The following GRIA1 variants were observed in gnomAD, a reference collection of about 807,000 sequenced individuals.
GRIA1 encodes glutamate ionotropic receptor AMPA type subunit 1, also known as glutamate receptor 1.
Under a neutral mutation model 99.2 loss-of-function variants are expected in GRIA1, and 31 were observed. The ratio of observed to expected loss-of-function variants is 0.31; its 90% CI spans 0.23 to 0.42. GRIA1 has a LOEUF of 0.42. GRIA1 is among the 10% of genes least tolerant of loss of function. GRIA1 has a pLI of 1.00. For missense variants in GRIA1, 782 were observed against 1,157.5 expected (o/e 0.68, Z 4.71); for synonymous variants, 438 against 432.4 (o/e 1.01, Z -0.16).
intron 2 of GRIA1, among the ~76,000 whole-genome samples, chr5:153,538,583 C>T (rs995157405): frequency 1.3e-5 from 2 of 152,118 alleles, no homozygotes; most frequent in Admixed American, 6.5e-5. Flanking sequence ...ACAGGACACT[C>T]ACACAGCTAA....
chr5:153,524,850 A>G (rs979390051), intron 2 of GRIA1, among the ~76,000 whole-genome samples: 1 of 152,206 alleles, frequency 6.6e-6, no homozygotes, highest in African/African-American at 2.4e-5. Context: ...AAGATCCTAC[A>G]GGTCTCTGTA....
Position 153,812,656 on chromosome 5 carries a change from G to A in GRIA1, c.*1431G>A, listed in dbSNP as rs1053712049. On this transcript the variant is annotated 3_prime_UTR_variant, in exon 16 of 16. Coordinates refer to ENST00000285900, the MANE Select transcript of GRIA1 (RefSeq NM_000827.4). The stretch of plus-strand genomic sequence containing the variant: ...ATGAGGACGTTGTATTCCAATATAC[G>A]TATGATTGGGGCTACAAAGCTGAAC... 11 of 152,150 alleles carry A rather than the reference G, an allele frequency of 7.2e-5. No homozygotes were observed. The highest frequency in any genetic ancestry group is 1.9e-4 in the East Asian group (1 of 5,186). The allele number at this position is 152,150 out of a possible 1,614,324, so 9.4% of individuals were successfully genotyped here. A position where few individuals can be genotyped will look rare whatever the true frequency, so the allele number is the denominator to read the frequency against.
chr5:153,655,952 A>C, intron 5 of GRIA1, 80 bp downstream of exon 5: 1 of 1,222,482 alleles, frequency 8.2e-7, no homozygotes, highest in Non-Finnish European at 1.2e-6. Context: ...TCCCTGGCTG[A>C]TGTGAACTGA....
chr5:153,584,814 T>G (rs1763330450), intron 2 of GRIA1, among the ~76,000 whole-genome samples: 1 of 152,220 alleles, frequency 6.6e-6, no homozygotes, highest in African/African-American at 2.4e-5. Context: ...CTGTTAGGGC[T>G]GTGGTAACCT....
At chr5:153,750,727 C>T (rs1477049817) in intron 11 of GRIA1, among the ~76,000 whole-genome samples, 1 of 152,118 alleles carries the variant, frequency 6.6e-6, no homozygotes, top group African/African-American at 2.4e-5. Flanking sequence ...ACTTTGCTAC[C>T]TGCTTTATTA....
Position 153,802,571 on chromosome 5 carries a change from G to T in GRIA1, c.2520+81G>T, listed in dbSNP as rs1766123443. On this transcript the variant is annotated intron_variant, in intron 15 of 15. Transcript: ENST00000285900. ...TCCTGGGAGTCCCTTTGCTAGAAAG[G>T]GTGGGGAATGACAGGTGGTTGAGGT... 3.5e-6 allele frequency: 5 copies of T among 1,425,868 alleles called. No individual in the cohort carries two copies. In the Admixed American group the frequency reaches 8.4e-5, roughly 24 times the overall value. The allele number at this position is 1,425,868 out of a possible 1,614,324, so 88.3% of individuals were successfully genotyped here.
At chr5:153,628,905 C>T (rs1008282848) in intron 2 of GRIA1, among the ~76,000 whole-genome samples, 1 of 152,190 alleles carries the variant, frequency 6.6e-6, no homozygotes, top group Non-Finnish European at 1.5e-5. Context: ...AGAATTCTGT[C>T]GTGTCTACAG....
chr5:153,491,047 C>G lies in GRIA1; in HGVS notation c.82+77C>G, dbSNP rs1302980809. On this transcript the variant is annotated intron_variant, in intron 1 of 15. Coordinates refer to ENST00000285900, the MANE Select transcript of GRIA1 (RefSeq NM_000827.4). Reference sequence around the variant, plus strand: ...TTTTTGGGGATAGGGGTTGTGTACCCCCTCCCCGGTACTGACTGTTTTGCT... The same window carrying G: ...TTTTTGGGGATAGGGGTTGTGTACCGCCTCCCCGGTACTGACTGTTTTGCT... The G allele has an allele frequency of 8.2e-6, 11 of 1,335,982 alleles. No homozygotes were observed. In the East Asian group the frequency reaches 1.8e-4, roughly 22 times the overall value. The allele number at this position is 1,335,982 out of a possible 1,614,324, so 82.8% of individuals were successfully genotyped here. A position where few individuals can be genotyped will look rare whatever the true frequency, so the allele number is the denominator to read the frequency against.
At chr5:153,768,730 G>A (rs1358302823) in intron 12 of GRIA1, among the ~76,000 whole-genome samples, 2 of 152,060 alleles carry the variant, frequency 1.3e-5, no homozygotes, top group African/African-American at 4.8e-5. Context: ...GTGATATGCT[G>A]CATGTATAAT....
intron 9 of GRIA1, 98 bp from the exon 10 acceptor site, chr5:153,698,769 A>T (rs1485593178): frequency 2.6e-6 from 2 of 767,758 alleles, no homozygotes; most frequent in African/African-American, 3.4e-5. Context: ...AGCCTTCCCC[A>T]GTGTTAACCA....
intron 2 of GRIA1, among the ~76,000 whole-genome samples, chr5:153,597,385 A>T (rs901659292): frequency 6.6e-6 from 1 of 152,176 alleles, no homozygotes; most frequent in Non-Finnish European, 1.5e-5. Flanking sequence ...TTGTGGCCCA[A>T]TTAGGGGATC....
intron 2 of GRIA1, among the ~76,000 whole-genome samples, chr5:153,609,444 G>A (rs1229394458): frequency 6.6e-6 from 1 of 151,894 alleles, no homozygotes; most frequent in Admixed American, 6.6e-5. Flanking sequence ...GCTGAAAAAG[G>A]CAGTGATTTC....
At chr5:153,563,189 AAAC>A (rs1172113981) in intron 2 of GRIA1, among the ~76,000 whole-genome samples, 1 of 152,022 alleles carries the variant, frequency 6.6e-6, no homozygotes. Flanking sequence ...AAAAAAAAAA[AAAC>A]CTTCTTGCTT....
At chr5:153,714,908 C>G (rs1274465023) in intron 11 of GRIA1, among the ~76,000 whole-genome samples, 2 of 152,204 alleles carry the variant, frequency 1.3e-5, no homozygotes, top group African/African-American at 2.4e-5. Flanking sequence ...AACCACAAAC[C>G]TAGCTGATGA....
chr5:153,500,686 G>T (rs1396361494), intron 2 of GRIA1, among the ~76,000 whole-genome samples: 5 of 149,948 alleles, frequency 3.3e-5, no homozygotes, highest in Admixed American at 2.0e-4. Flanking sequence ...CCTTTAGTTG[G>T]AGGGATTTAG....
intron 2 of GRIA1, among the ~76,000 whole-genome samples, chr5:153,502,136 T>C (rs1164783788): frequency 1.3e-5 from 2 of 152,206 alleles, no homozygotes; most frequent in Non-Finnish European, 2.9e-5. Flanking sequence ...GCCCTTCAGC[T>C]GTTTTTACCA....
chr5:153,626,444 C>CTGTGTGTGTGTGTGTG (rs3036985), intron 2 of GRIA1, among the ~76,000 whole-genome samples: 28 of 142,280 alleles, frequency 2.0e-4, no homozygotes, highest in South Asian at 4.6e-4. Flanking sequence ...GTGTGTGTGT[C>CTGTGTGTGTGTGTGTG]TGTGTGTGTG....
intron 4 of GRIA1, 66 bp downstream of exon 4, chr5:153,650,580 T>C: frequency 2.7e-6 from 4 of 1,487,792 alleles, no homozygotes; most frequent in Non-Finnish European, 3.7e-6. Context: ...AGACACACTT[T>C]TGCCTTGGGT....
chr5:153,502,492 G>A (rs1238853072), intron 2 of GRIA1, among the ~76,000 whole-genome samples: 1 of 152,186 alleles, frequency 6.6e-6, no homozygotes, highest in Admixed American at 6.5e-5. Context: ...CCAATTGAAA[G>A]CTCATTTTAG....
Sources: gnomAD v4.1 joint callset for allele counts (sites outside exome capture counted in the v4.1 genomes callset) on GRCh38, gnomAD v4.1.1 for gene constraint, MANE v1.5 for transcripts, NCBI Gene and HGNC (gene_info 2026-07-23, HGNC 2026-07-21) for gene names.